Variants in TCN2 observed in about 807,000 individuals in gnomAD.
The protein encoded by TCN2 is transcobalamin-2.
In TCN2, 34 loss-of-function variants were observed where a neutral mutation model predicts 48.6. The ratio of observed to expected loss-of-function variants is 0.70; its 90% CI spans 0.53 to 0.93. The LOEUF (loss-of-function observed/expected upper bound fraction) is 0.93, where lower values mean the gene tolerates loss of function less well. TCN2 is among the 40% of genes least tolerant of loss of function. The pLI is 0.00. For missense variants in TCN2, 652 were observed against 526.1 expected, an observed-to-expected ratio of 1.24 and a Z score of -2.34; for synonymous variants, 283 against 212.5, an observed-to-expected ratio of 1.33 and a Z score of -2.89.
intron 8 of TCN2, among the ~76,000 whole-genome samples, chr22:30,625,062 C>G (rs146674472): frequency 0.044 from 6,648 of 152,052 alleles, 330 homozygotes; most frequent in East Asian, 0.25. Context: ...ACTAAAAATA[C>G]AAAAAATTAG....
Position 30,624,019 on chromosome 22 carries a change from C to T in TCN2, c.1222+936C>T, listed in dbSNP as rs867219940. On this transcript the variant is annotated intron_variant, in intron 8 of 8. Transcript: ENST00000215838. ...ACACATATATATGTATACATATATACACACATATATATGTATACATATATA... is the reference window on the plus strand; with the variant it reads ...ACACATATATATGTATACATATATATACACATATATATGTATACATATATA... 1.5e-4 allele frequency among the ~76,000 whole-genome samples: 13 copies of T among 84,162 alleles called. 4 individuals are homozygous for T. The highest frequency in any genetic ancestry group is 1.1e-3 in the African/African-American group (13 of 11,490). 55.2% of individuals were successfully genotyped at this position (84,162 alleles called of 152,430 possible). A position where few individuals can be genotyped will look rare whatever the true frequency, so the allele number is the denominator to read the frequency against.
At chr22:30,619,548 A>T (rs2087666608) in intron 7 of TCN2, among the ~76,000 whole-genome samples, 1 of 152,242 alleles carries the variant, frequency 6.6e-6, no homozygotes, top group Non-Finnish European at 1.5e-5. Context: ...ATGAAATAAG[A>T]TGAATGTAAT....
At chr22:30,615,071 T>G (rs2087592594) in intron 4 of TCN2, among the ~76,000 whole-genome samples, 1 of 152,146 alleles carries the variant, frequency 6.6e-6, no homozygotes, top group Admixed American at 6.5e-5. Flanking sequence ...CAAACCAGTT[T>G]GCCCAGAAAT....
At chr22:30,608,702 C>T (rs988434584) in intron 1 of TCN2, among the ~76,000 whole-genome samples, 4 of 152,066 alleles carry the variant, frequency 2.6e-5, no homozygotes, top group South Asian at 2.1e-4. Context: ...AACTCCAAGC[C>T]TCTCATCTGT....
Position 30,608,806 on chromosome 22 carries a change from A to C in TCN2, c.64+1411A>C, listed in dbSNP as rs528665878. Among the ~76,000 whole-genome samples, 27 of 152,296 alleles carry C rather than the reference A, an allele frequency of 1.8e-4. 2 individuals are homozygous for C. In the South Asian group the frequency reaches 5.4e-3, roughly 30 times the overall value. ...CAGTCCCCAGGGGAGTTCTGGGTTC[A>C]ACCAGCAAGAGCTCTTCCTCCTGGC... On this transcript the variant is annotated intron_variant, in intron 1 of 8. Transcript: ENST00000215838.
chr22:30,620,218 A>C (rs1390797407), intron 7 of TCN2, among the ~76,000 whole-genome samples: 1 of 152,186 alleles, frequency 6.6e-6, no homozygotes, highest in East Asian at 1.9e-4. Flanking sequence ...TTGGGAGGCC[A>C]AGGTGGGCAG....
At chr22:30,623,937 TACACACACACATATGTATACATATATAC>T (rs1321934513) in intron 8 of TCN2, among the ~76,000 whole-genome samples, 667 of 63,704 alleles carry the variant, frequency 0.01, 90 homozygotes, top group East Asian at 0.031. Context: ...TATACATATA[TACACACACACATATGTATACATATATAC>T]ACACACATAT....
chr22:30,625,799 T>C (rs2087799047), intron 8 of TCN2, among the ~76,000 whole-genome samples: 1 of 152,182 alleles, frequency 6.6e-6, no homozygotes, highest in Admixed American at 6.5e-5. Flanking sequence ...GATGAGGCTC[T>C]ACTCTCATGA....
chr22:30,626,388 G>GT, intron 8 of TCN2, 72 bp from the exon 9 acceptor site: 1 of 1,510,738 alleles, frequency 6.6e-7, no homozygotes, highest in Non-Finnish European at 9.2e-7. Flanking sequence ...AGGGTGGGGG[G>GT]TCTGGAAGAT....
chr22:30,616,977 C>T (rs2087620639), intron 6 of TCN2, among the ~76,000 whole-genome samples: 1 of 152,074 alleles, frequency 6.6e-6, no homozygotes, highest in Admixed American at 6.6e-5. Context: ...ATCAGGGTAA[C>T]AGAGATGCGT....
At position 30,626,645 on chromosome 22, in the gene TCN2, C is replaced by A. The variant is rs2087815588; in HGVS notation, c.*124C>A. 3 of 1,070,516 alleles carry A rather than the reference C, an allele frequency of 2.8e-6. No homozygotes were observed. Among genetic ancestry groups the A allele is most frequent in the South Asian group, 1.3e-5 (1 of 75,632 alleles). 66.3% of individuals were successfully genotyped at this position (1,070,516 alleles called of 1,614,324 possible). On this transcript the variant is annotated 3_prime_UTR_variant, in exon 9 of 9. Coordinates refer to ENST00000215838, the MANE Select transcript of TCN2 (RefSeq NM_000355.4). ...ACCTCCTGTGCACTTTGAGCAATGCCCCCTGGGATCACCCCAGCCACAAGC... is the reference window on the plus strand; with the variant it reads ...ACCTCCTGTGCACTTTGAGCAATGCACCCTGGGATCACCCCAGCCACAAGC...
chr22:30,625,735 A>T (rs750683232), intron 8 of TCN2, among the ~76,000 whole-genome samples: 36 of 152,114 alleles, frequency 2.4e-4, no homozygotes, highest in Non-Finnish European at 5.1e-4. Context: ...AAGTGCTGGG[A>T]TTCTAGGTAT....
intron 2 of TCN2, among the ~76,000 whole-genome samples, chr22:30,612,392 T>C (rs2087554968): frequency 6.6e-6 from 1 of 151,542 alleles, no homozygotes; most frequent in South Asian, 2.1e-4. Context: ...CTACTGAAAA[T>C]ACAAAAAATT....
chr22:30,622,868 A>G, intron 7 of TCN2, 100 bp from the exon 8 acceptor site: 1 of 1,282,260 alleles, frequency 7.8e-7, no homozygotes, highest in Non-Finnish European at 1.1e-6. Context: ...TGTCGGCCCA[A>G]AGAGCTTGGA....
chr22:30,622,968 A>G lies in TCN2; in HGVS notation c.1107A>G (p.Thr369=). The G allele has an allele frequency of 1.2e-6, 2 of 1,614,078 alleles. No homozygotes were observed. Among genetic ancestry groups the G allele is most frequent in the Non-Finnish European group, 1.7e-6 (2 of 1,179,990 alleles). The change falls in exon 8 of 9, where the codon ACA becomes ACG. Residue 369 remains threonine (T), a splice_region_variant and synonymous_variant. Transcript: ENST00000215838. ...LKKAHELGGF[T]YETQASLSGP... is the part of the protein sequence containing the mutation. Reference sequence around the variant, plus strand: ...CCCCATTTGCCTTTCCCTTCTGTAGATATGAAACACAGGCCTCCTTGTCAG... The same window carrying G: ...CCCCATTTGCCTTTCCCTTCTGTAGGTATGAAACACAGGCCTCCTTGTCAG...
At chr22:30,610,115 G>GT (rs1254237220) in intron 1 of TCN2, 13 of 449,692 alleles carry the variant, frequency 2.9e-5, no homozygotes, top group African/African-American at 1.2e-4. Context: ...CTTCCAGAGT[G>GT]TTTGAGTATT....
chr22:30,622,886 T>C, intron 7 of TCN2, 82 bp from the exon 8 acceptor site: 2 of 1,428,202 alleles, frequency 1.4e-6, no homozygotes, highest in South Asian at 2.3e-5. Flanking sequence ...GGAAGGGATT[T>C]TGCTGCTGTG....
At position 30,623,921 on chromosome 22, in the gene TCN2, T is replaced by TGTATACATATATACACACACAC. The variant is rs2087754629; in HGVS notation, c.1222+838_1222+839insGTATACATATATACACACACAC. The stretch of plus-strand genomic sequence containing the variant: ...ATGTATACATATATATACACACATA[T>TGTATACATATATACACACACAC]ATATGTATACATATATACACACACA... On this transcript the variant is annotated intron_variant, in intron 8 of 8. Transcript: ENST00000215838. 1.7e-4 allele frequency among the ~76,000 whole-genome samples: 4 copies of TGTATACATATATACACACACAC among 23,358 alleles called. 1 individual carries two copies. Among genetic ancestry groups the TGTATACATATATACACACACAC allele is most frequent in the Non-Finnish European group, 3.5e-4 (4 of 11,448 alleles). The allele number at this position is 23,358 out of a possible 152,430, so 15.3% of individuals were successfully genotyped here.
intron 3 of TCN2, among the ~76,000 whole-genome samples, chr22:30,613,571 G>A (rs994586114): frequency 5.3e-5 from 8 of 152,082 alleles, no homozygotes; most frequent in Admixed American, 1.3e-4. Context: ...GAGCCACTGC[G>A]TTAGGCCCAC....
Sources: gnomAD v4.1 joint callset for allele counts (sites outside exome capture counted in the v4.1 genomes callset) on GRCh38, gnomAD v4.1.1 for gene constraint, MANE v1.5 for transcripts, NCBI Gene and HGNC (gene_info 2026-07-23, HGNC 2026-07-21) for gene names.